Variants in LRP1B observed in about 807,000 individuals in gnomAD.
The protein encoded by LRP1B is low-density lipoprotein receptor-related protein 1B.
Under a neutral mutation model 556.6 loss-of-function variants are expected in LRP1B, and 217 were observed. That is an observed-to-expected ratio of 0.39 (90% CI 0.35 to 0.44). The LOEUF (loss-of-function observed/expected upper bound fraction) is 0.44, where lower values mean the gene tolerates loss of function less well. Ranked by LOEUF, LRP1B falls within the 20% of genes least tolerant of loss-of-function variation. The pLI is 1.00. For synonymous variants in LRP1B, 2,047 were observed against 1,865.8 expected, an observed-to-expected ratio of 1.10 and a Z score of -2.50; for missense variants, 5,053 against 5,620.8, an observed-to-expected ratio of 0.90 and a Z score of 3.23.
At chr2:140,279,844 T>A (rs1682839838) in intron 84 of LRP1B, among the ~76,000 whole-genome samples, 6 of 151,912 alleles carry the variant, frequency 3.9e-5, no homozygotes. Context: ...AAAATATTAA[T>A]GATCCCATCG....
chr2:141,697,098 A>G (rs554791171), intron 2 of LRP1B, among the ~76,000 whole-genome samples: 27 of 152,066 alleles, frequency 1.8e-4, no homozygotes, highest in Non-Finnish European at 1.0e-4. Context: ...AACATAACAC[A>G]TATCATTTTA....
chr2:140,386,933 C>G (rs1683784526), intron 66 of LRP1B, among the ~76,000 whole-genome samples: 1 of 152,062 alleles, frequency 6.6e-6, no homozygotes, highest in African/African-American at 2.4e-5. Context: ...GGGAATTTTG[C>G]TATAATGGAA....
intron 41 of LRP1B, among the ~76,000 whole-genome samples, chr2:140,657,606 TATATATACATACATATATACATAC>T (rs201965293): frequency 0.013 from 1,758 of 137,714 alleles, 33 homozygotes; most frequent in African/African-American, 0.04. Flanking sequence ...TATATATACA[TATATATACATACATATATACATAC>T]ATATATATAC....
chr2:141,181,135 T>C (rs1296127890), intron 7 of LRP1B, among the ~76,000 whole-genome samples: 1 of 151,910 alleles, frequency 6.6e-6, no homozygotes, highest in East Asian at 1.9e-4. Context: ...CAAGAAGATA[T>C]GAGAGAATGT....
At chr2:141,353,579 G>T (rs1346558960) in intron 3 of LRP1B, among the ~76,000 whole-genome samples, 1 of 151,732 alleles carries the variant, frequency 6.6e-6, no homozygotes, top group Non-Finnish European at 1.5e-5. Context: ...TTTAAGCATT[G>T]GGAACTGTGA....
chr2:140,747,624 T>A (rs1346398515), intron 35 of LRP1B, among the ~76,000 whole-genome samples: 1 of 152,130 alleles, frequency 6.6e-6, no homozygotes, highest in East Asian at 1.9e-4. Context: ...GGTGTAGTCA[T>A]TTTTGGAAAT....
chr2:141,373,850 C>T (rs1253692773), intron 3 of LRP1B, among the ~76,000 whole-genome samples: 1 of 151,736 alleles, frequency 6.6e-6, no homozygotes, highest in Non-Finnish European at 1.5e-5. Flanking sequence ...CCTTCCTTTT[C>T]TCTTTGTTTT....
At chr2:141,498,130 T>A (rs1199253858) in intron 2 of LRP1B, among the ~76,000 whole-genome samples, 1 of 151,980 alleles carries the variant, frequency 6.6e-6, no homozygotes, top group Non-Finnish European at 1.5e-5. Flanking sequence ...TACTATAAAG[T>A]ATAGAAAACT....
intron 84 of LRP1B, among the ~76,000 whole-genome samples, chr2:140,283,448 G>A (rs1682998824): frequency 6.6e-6 from 1 of 151,666 alleles, no homozygotes; most frequent in African/African-American, 2.4e-5. Context: ...CATCATGAAA[G>A]CATGCCTAAG....
chr2:141,074,145 TC>T (rs1478230656), intron 7 of LRP1B, among the ~76,000 whole-genome samples: 2 of 152,084 alleles, frequency 1.3e-5, no homozygotes, highest in African/African-American at 4.8e-5. Context: ...ACCTTGGACA[TC>T]CAGTGATGCT....
chr2:140,847,496 C>T (rs936259690), intron 29 of LRP1B, among the ~76,000 whole-genome samples: 8 of 152,028 alleles, frequency 5.3e-5, no homozygotes, highest in Non-Finnish European at 8.8e-5. Context: ...AGGCTGGGCG[C>T]AGTGGTTCAC....
chr2:141,581,493 C>A (rs1686957874), intron 2 of LRP1B, among the ~76,000 whole-genome samples: 1 of 152,074 alleles, frequency 6.6e-6, no homozygotes, highest in Non-Finnish European at 1.5e-5. Flanking sequence ...GTAAAAATAT[C>A]TTCATGGGAG....
At chr2:142,000,410 T>C (rs188217999) in intron 1 of LRP1B, among the ~76,000 whole-genome samples, 49 of 152,322 alleles carry the variant, frequency 3.2e-4, no homozygotes, top group Admixed American at 2.8e-3. Flanking sequence ...TTATACATAA[T>C]TACAATCATT....
chr2:140,865,015 G>T (rs1692906907), intron 27 of LRP1B, among the ~76,000 whole-genome samples: 1 of 151,880 alleles, frequency 6.6e-6, no homozygotes, highest in Non-Finnish European at 1.5e-5. Flanking sequence ...TCTAAGCTTG[G>T]CTCCCTCATG....
intron 41 of LRP1B, among the ~76,000 whole-genome samples, chr2:140,666,825 A>G (rs1333610668): frequency 6.6e-6 from 1 of 152,332 alleles, no homozygotes; most frequent in African/African-American, 2.4e-5. Flanking sequence ...ACGGGAAAAC[A>G]CCAGAAAGAA....
rs1170228554 is a variant in LRP1B, at chr2:140,851,645, A to C, written c.4711+7T>G. 2 of 1,606,616 alleles carry C rather than the reference A, an allele frequency of 1.2e-6. No individual in the cohort carries two copies. Among genetic ancestry groups the C allele is most frequent in the East Asian group, 4.5e-5 (2 of 44,584 alleles). On this transcript the variant is annotated splice_region_variant and intron_variant, in intron 28 of 90. Coordinates refer to ENST00000389484, the MANE Select transcript of LRP1B (RefSeq NM_018557.3). ...TTTATTTTCGATTAGAACTGTAAGA[A>C]ATTTACCATAGCAGGTCTTCTTGTC...
rs1444097788 is a variant in LRP1B at position 140,769,231 on chromosome 2, C to T, written c.5740G>A (p.Gly1914Arg). ...MPISGTSFAV[G>R]IDFHAENDTI... The stretch of plus-strand genomic sequence containing the variant: ...TATTTACCTGCATGGAAATCTATTC[C>T]CACGGCAAATGAAGTTCCTGATATA... Residue 1914 changes from glycine to arginine, a missense_variant, in exon 35 of 91, where the codon GGA becomes AGA. Physicochemically the swap from Gly to Arg is moderately radical, Grantham distance 125. This residue lies in a region of LRP1B where 3,619 missense variants were observed against 3,931.9 expected (regional missense o/e 0.92). Transcript: ENST00000389484. 2 of 1,611,588 alleles carry T rather than the reference C, an allele frequency of 1.2e-6. No homozygotes were observed. The highest frequency in any genetic ancestry group is 1.7e-5 in the Admixed American group (1 of 59,808).
intron 66 of LRP1B, among the ~76,000 whole-genome samples, chr2:140,387,754 A>G (rs974259182): frequency 2.0e-5 from 3 of 152,098 alleles, no homozygotes; most frequent in Non-Finnish European, 4.4e-5. Flanking sequence ...CTAATGTTAC[A>G]TTCTGCACAC....
At chr2:140,628,050 C>T (rs374505598) in intron 41 of LRP1B, among the ~76,000 whole-genome samples, 10 of 152,136 alleles carry the variant, frequency 6.6e-5, no homozygotes, top group African/African-American at 2.2e-4. Context: ...AAGACAGAGG[C>T]ACCAAGCCAT....
Sources: allele counts gnomAD v4.1 joint callset (sites outside exome capture counted in the v4.1 genomes callset), GRCh38; gene constraint gnomAD v4.1.1; regional missense constraint gnomAD v4.1.1; transcripts MANE v1.5; gene names NCBI Gene and HGNC (gene_info 2026-07-23, HGNC 2026-07-21).